Variants in DAB1 observed in about 807,000 individuals in gnomAD.
DAB1 encodes the protein DAB adaptor protein 1, also known as disabled homolog 1.
Under a neutral mutation model 64.6 loss-of-function variants are expected in DAB1, and 15 were observed. The observed-to-expected ratio is 0.23, with a 90% CI of 0.16 to 0.36. The LOEUF (loss-of-function observed/expected upper bound fraction) is 0.36. Among genes scored for constraint, DAB1 ranks in the 10% least tolerant of loss-of-function variants. The pLI, the probability that DAB1 is intolerant of heterozygous loss-of-function variation, is 1.00. For synonymous variants in DAB1, 235 were observed against 251.9 expected, an observed-to-expected ratio of 0.93 and a Z score of 0.64; for missense variants, 596 against 706.7, an observed-to-expected ratio of 0.84 and a Z score of 1.78.
chr1:57,617,231 G>A (rs1351314094), intron 7 of DAB1, among the ~76,000 whole-genome samples: 3 of 152,064 alleles, frequency 2.0e-5, no homozygotes, highest in Non-Finnish European at 4.4e-5. Flanking sequence ...CCACCAGGCT[G>A]GGGGTATGAA....
At chr1:57,205,091 G>T (rs1057365551) in intron 2 of DAB1, among the ~76,000 whole-genome samples, 1 of 152,136 alleles carries the variant, frequency 6.6e-6, no homozygotes, top group Non-Finnish European at 1.5e-5. Context: ...GAAGGCATTG[G>T]CCTCCTTTGT....
At chr1:57,859,164 A>G (rs1435158763) in intron 1 of DAB1, among the ~76,000 whole-genome samples, 3 of 151,946 alleles carry the variant, frequency 2.0e-5, no homozygotes. Flanking sequence ...ACCTAAACCT[A>G]TTTCCTAACC....
At chr1:58,145,368 G>A (rs1654531819) in intron 5 of DAB1, among the ~76,000 whole-genome samples, 1 of 152,164 alleles carries the variant, frequency 6.6e-6, no homozygotes, top group Non-Finnish European at 1.5e-5. Flanking sequence ...CGCAACACAT[G>A]ACGCATCTCT....
At chr1:57,151,006 A>T (rs1177824371) in intron 2 of DAB1, among the ~76,000 whole-genome samples, 1 of 151,962 alleles carries the variant, frequency 6.6e-6, no homozygotes, top group Non-Finnish European at 1.5e-5. Context: ...AATTTAAAAA[A>T]CCCTGGCACC....
At chr1:58,485,170 A>T (rs1291289716) in intron 3 of DAB1, among the ~76,000 whole-genome samples, 1 of 142,500 alleles carries the variant, frequency 7.0e-6, no homozygotes, top group South Asian at 2.3e-4. Context: ...AAATCTCTAT[A>T]CCTTCTACTC....
chr1:58,023,941 G>A (rs896954601), intron 5 of DAB1, among the ~76,000 whole-genome samples: 1 of 152,144 alleles, frequency 6.6e-6, no homozygotes, highest in Admixed American at 6.6e-5. Flanking sequence ...ATCATGTAAT[G>A]TAGATATATT....
chr1:57,336,752 C>A (rs1677110991), intron 1 of DAB1, among the ~76,000 whole-genome samples: 1 of 152,158 alleles, frequency 6.6e-6, no homozygotes, highest in Admixed American at 6.5e-5. Context: ...TATGTCTACC[C>A]TGTTGATTAC....
chr1:57,341,901 G>A (rs1376960475), intron 1 of DAB1, among the ~76,000 whole-genome samples: 4 of 152,180 alleles, frequency 2.6e-5, no homozygotes, highest in Admixed American at 1.3e-4. Flanking sequence ...AAGCTCCTAG[G>A]TGATGCCATC....
chr1:58,364,974 CA>C (rs1644203578), intron 3 of DAB1, among the ~76,000 whole-genome samples: 1 of 152,188 alleles, frequency 6.6e-6, no homozygotes, highest in Non-Finnish European at 1.5e-5. Flanking sequence ...TAACTTTTAC[CA>C]TGAGATATGC....
intron 4 of DAB1, among the ~76,000 whole-genome samples, chr1:58,318,626 C>G (rs972326526): frequency 6.6e-6 from 1 of 152,172 alleles, no homozygotes; most frequent in African/African-American, 2.4e-5. Flanking sequence ...ACCTAAAAAG[C>G]AAGTTAGTAG....
At chr1:58,241,596 T>A (rs1177070757) in intron 4 of DAB1, among the ~76,000 whole-genome samples, 1 of 151,982 alleles carries the variant, frequency 6.6e-6, no homozygotes, top group African/African-American at 2.4e-5. Context: ...TGACTATCTA[T>A]AATGTAAAAG....
At chr1:57,135,695 G>A (rs1163334493) in intron 4 of DAB1, among the ~76,000 whole-genome samples, 1 of 152,062 alleles carries the variant, frequency 6.6e-6, no homozygotes, top group African/African-American at 2.4e-5. Context: ...ATACTAGTCA[G>A]AACAAGGAAG....
At position 58,131,326 on chromosome 1, in the gene DAB1, T is replaced by G. The variant is rs867920163; in HGVS notation, n.387+19185A>C. Among the ~76,000 whole-genome samples, 16 of 140,434 alleles carry G rather than the reference T, an allele frequency of 1.1e-4. 2 individuals carry two copies. The highest frequency in any genetic ancestry group is 3.8e-4 in the African/African-American group (15 of 39,548). The allele number at this position is 140,434 out of a possible 152,430, so 92.1% of individuals were successfully genotyped here. On this transcript the variant is annotated intron_variant and non_coding_transcript_variant, in intron 5 of 20. Coordinates refer to the DAB1 transcript ENST00000485760. ...AGCTCCATCAGCTCCTTTAAGCACT[T>G]CTCTCTATTGGTTATTCTAGTTATA...
chr1:57,354,073 A>G (rs1403903866), intron 1 of DAB1, among the ~76,000 whole-genome samples: 1 of 152,116 alleles, frequency 6.6e-6, no homozygotes, highest in Non-Finnish European at 1.5e-5. Context: ...TGATGCCTCC[A>G]AGTACTGCAT....
intron 1 of DAB1, among the ~76,000 whole-genome samples, chr1:57,843,992 A>G (rs1243578894): frequency 6.6e-6 from 1 of 152,248 alleles, no homozygotes; most frequent in Non-Finnish European, 1.5e-5. Flanking sequence ...CTGATGTTCC[A>G]GCCACAATTA....
chr1:57,231,460 C>G (rs1232400807), intron 2 of DAB1, among the ~76,000 whole-genome samples: 1 of 152,192 alleles, frequency 6.6e-6, no homozygotes, highest in East Asian at 1.9e-4. Flanking sequence ...CTATCAAATA[C>G]AGTACCTATC....
chr1:57,327,857 C>T (rs964166475), intron 1 of DAB1, among the ~76,000 whole-genome samples: 1 of 151,980 alleles, frequency 6.6e-6, no homozygotes, highest in African/African-American at 2.4e-5. Context: ...AAAACAACAA[C>T]AAAAAATACC....
At chr1:57,807,791 C>A (rs907661795) in intron 6 of DAB1, among the ~76,000 whole-genome samples, 1 of 152,050 alleles carries the variant, frequency 6.6e-6, no homozygotes, top group African/African-American at 2.4e-5. Flanking sequence ...CAAAACCAAC[C>A]CTCTTTTTTC....
chr1:57,925,432 A>G (rs1644865314), intron 5 of DAB1, among the ~76,000 whole-genome samples: 1 of 152,210 alleles, frequency 6.6e-6, no homozygotes, highest in Admixed American at 6.5e-5. Context: ...TTATGGTAAC[A>G]TTGCTCATCC....
Sources: gnomAD v4.1 joint callset for allele counts (sites outside exome capture counted in the v4.1 genomes callset) on GRCh38, gnomAD v4.1.1 for gene constraint, MANE v1.5 for transcripts, NCBI Gene and HGNC (gene_info 2026-07-23, HGNC 2026-07-21) for gene names.